Variants in ITGBL1 observed in about 807,000 individuals in gnomAD.
ITGBL1 encodes the protein integrin beta-like protein 1.
ITGBL1 carries 51 observed loss-of-function variants against 68.5 expected under a neutral mutation model. That is an observed-to-expected ratio of 0.74 (90% CI 0.59 to 0.94). ITGBL1 has a LOEUF of 0.94. Among genes scored for constraint, ITGBL1 ranks in the 40% least tolerant of loss-of-function variants. The pLI, the probability that ITGBL1 is intolerant of heterozygous loss-of-function variation, is 0.00. For missense variants in ITGBL1, 649 were observed against 647.4 expected (o/e 1.00, Z -0.03); for synonymous variants, 209 against 227.3 (o/e 0.92, Z 0.72).
intron 2 of ITGBL1, among the ~76,000 whole-genome samples, chr13:101,560,540 G>T (rs932918381): frequency 1.3e-5 from 2 of 152,086 alleles, no homozygotes; most frequent in Non-Finnish European, 2.9e-5. Flanking sequence ...TTTTAAATTT[G>T]TTTTTTAGTC....
intron 7 of ITGBL1, among the ~76,000 whole-genome samples, chr13:101,686,031 G>A (rs1279400083): frequency 1.3e-5 from 2 of 152,106 alleles, no homozygotes; most frequent in African/African-American, 2.4e-5. Context: ...GTATCTTGAG[G>A]TAATTGGATT....
At chr13:101,672,675 C>T (rs2033406741) in intron 7 of ITGBL1, among the ~76,000 whole-genome samples, 1 of 152,226 alleles carries the variant, frequency 6.6e-6, no homozygotes, top group Non-Finnish European at 1.5e-5. Context: ...CTGTAGAATC[C>T]AGTGCACTCT....
intron 8 of ITGBL1, among the ~76,000 whole-genome samples, chr13:101,703,492 A>C (rs2139579462): frequency 6.6e-6 from 1 of 152,366 alleles, no homozygotes. Flanking sequence ...GGTAAACTCT[A>C]TGCCATGAGT....
chr13:101,714,242 A>C (rs2034612089), intron 9 of ITGBL1, 196 bp from the exon 10 acceptor site: 2 of 587,236 alleles, frequency 3.4e-6, no homozygotes, highest in Admixed American at 3.0e-5. Flanking sequence ...CTAGATCCAT[A>C]ATGAAGGCTT....
intron 7 of ITGBL1, among the ~76,000 whole-genome samples, chr13:101,664,397 G>C (rs372489819): frequency 1.3e-5 from 2 of 152,156 alleles, no homozygotes; most frequent in East Asian, 3.9e-4. Context: ...ATTATTTACA[G>C]GTATCCTGAG....
intron 8 of ITGBL1, among the ~76,000 whole-genome samples, chr13:101,694,308 C>T (rs2033952502): frequency 6.6e-6 from 1 of 152,186 alleles, no homozygotes; most frequent in Non-Finnish European, 1.5e-5. Flanking sequence ...TTTATCATAG[C>T]AATATGTATG....
intron 7 of ITGBL1, among the ~76,000 whole-genome samples, chr13:101,685,710 A>G (rs2033739360): frequency 6.6e-6 from 1 of 152,060 alleles, no homozygotes; most frequent in South Asian, 2.1e-4. Context: ...TATATTTGAG[A>G]GTGTTCATCA....
At chr13:101,492,361 T>G (rs1038976322) in intron 2 of ITGBL1, among the ~76,000 whole-genome samples, 23 of 152,222 alleles carry the variant, frequency 1.5e-4, no homozygotes, top group Admixed American at 1.4e-3. Context: ...AGGAGGTGAT[T>G]TGCTATTTTC....
chr13:101,684,209 A>C (rs563234216), intron 7 of ITGBL1, among the ~76,000 whole-genome samples: 2 of 152,062 alleles, frequency 1.3e-5, no homozygotes, highest in African/African-American at 4.8e-5. Context: ...TCTCTATTCT[A>C]TTCTACTTGG....
chr13:101,678,212 A>G (rs1428884863), intron 7 of ITGBL1, among the ~76,000 whole-genome samples: 1 of 152,216 alleles, frequency 6.6e-6, no homozygotes, highest in Non-Finnish European at 1.5e-5. Flanking sequence ...GTAAACTCGT[A>G]TGTATGCAAT....
chr13:101,712,072 CAGCT>C (rs1230680916), intron 9 of ITGBL1: 2 of 152,192 alleles, frequency 1.3e-5, no homozygotes, highest in African/African-American at 2.4e-5. Flanking sequence ...TGGAAGAAAA[CAGCT>C]AGAGCGTTCT....
intron 7 of ITGBL1, among the ~76,000 whole-genome samples, chr13:101,682,410 A>G (rs1330098996): frequency 6.6e-6 from 1 of 152,136 alleles, no homozygotes; most frequent in Non-Finnish European, 1.5e-5. Flanking sequence ...TATGGATAAC[A>G]TTCCAAAAAA....
chr13:101,634,570 C>T (rs10508071), intron 7 of ITGBL1, among the ~76,000 whole-genome samples: 18,444 of 152,062 alleles, frequency 0.12, 1,606 homozygotes, highest in African/African-American at 0.25. Flanking sequence ...TGAGAATCCA[C>T]TGGGCTAGTC....
intron 2 of ITGBL1, among the ~76,000 whole-genome samples, chr13:101,541,470 G>T (rs1443527369): frequency 6.6e-6 from 1 of 152,110 alleles, no homozygotes; most frequent in East Asian, 1.9e-4. Context: ...TTTTATTGAG[G>T]ATTTCTGCGT....
At chr13:101,697,430 T>C (rs983018319) in intron 8 of ITGBL1, among the ~76,000 whole-genome samples, 2 of 152,234 alleles carry the variant, frequency 1.3e-5, no homozygotes, top group Non-Finnish European at 2.9e-5. Context: ...AAGTCCACAT[T>C]GTATGGTATC....
At chr13:101,480,374 A>G (rs4338648) in intron 2 of ITGBL1, among the ~76,000 whole-genome samples, 21,646 of 151,980 alleles carry the variant, frequency 0.14, 2,052 homozygotes, top group East Asian at 0.43. Context: ...AGTGTACAAA[A>G]ATATAGTTAG....
At chr13:101,613,074 A>C (rs1250275577) in intron 7 of ITGBL1, among the ~76,000 whole-genome samples, 1 of 152,160 alleles carries the variant, frequency 6.6e-6, no homozygotes, top group East Asian at 1.9e-4. Flanking sequence ...TGTATTTTTA[A>C]AAAAACTTTT....
intron 1 of ITGBL1, 125 bp downstream of exon 1, chr13:101,453,056 A>C: frequency 1.4e-6 from 1 of 719,798 alleles, no homozygotes; most frequent in Non-Finnish European, 2.4e-6. Flanking sequence ...AACTGTTTTC[A>C]ACCTGTTCCT....
chr13:101,487,793 T>A (rs2048721688), intron 2 of ITGBL1, among the ~76,000 whole-genome samples: 2 of 152,250 alleles, frequency 1.3e-5, no homozygotes, highest in Non-Finnish European at 2.9e-5. Context: ...CTCTTCTGCA[T>A]CAACTGAAGT....
Sources: gnomAD v4.1 joint callset for allele counts (sites outside exome capture counted in the v4.1 genomes callset) on GRCh38, gnomAD v4.1.1 for gene constraint, MANE v1.5 for transcripts, NCBI Gene and HGNC (gene_info 2026-07-23, HGNC 2026-07-21) for gene names.